The following EYA4 variants were observed in gnomAD, a reference collection of about 807,000 sequenced individuals.
The protein encoded by EYA4 is protein phosphatase EYA4.
Under a neutral mutation model 87.9 loss-of-function variants are expected in EYA4, and 31 were observed. That is an observed-to-expected ratio of 0.35 (90% CI 0.27 to 0.48). The LOEUF is 0.48. EYA4 is among the 20% of genes least tolerant of loss of function. The pLI, the probability that EYA4 is intolerant of heterozygous loss-of-function variation, is 0.99. For synonymous variants in EYA4, 263 were observed against 270.6 expected, an observed-to-expected ratio of 0.97 and a Z score of 0.28; for missense variants, 678 against 761.4, an observed-to-expected ratio of 0.89 and a Z score of 1.29.
intron 2 of EYA4, among the ~76,000 whole-genome samples, chr6:133,327,920 A>C (rs979698800): frequency 6.6e-6 from 1 of 152,202 alleles, no homozygotes; most frequent in Non-Finnish European, 1.5e-5. Context: ...AAATTCTTAG[A>C]GACTATAGAG....
In EYA4 at chr6:133,461,289, C is replaced by T. The variant is rs572315758; in HGVS notation, c.437+109C>T. The T allele has an allele frequency of 7.1e-6, 6 of 842,938 alleles. No homozygotes were observed. The African/African-American group carries it at 8.4e-5, about 12-fold the overall frequency. The allele number at this position is 842,938 out of a possible 1,614,324, so 52.2% of individuals were successfully genotyped here. A position where few individuals can be genotyped will look rare whatever the true frequency, so the allele number is the denominator to read the frequency against. Reference sequence around the variant, plus strand: ...TAGATTACATATATAGATAAATATCCTGTACAAATTTGAAATGGAGACACC... The same window carrying T: ...TAGATTACATATATAGATAAATATCTTGTACAAATTTGAAATGGAGACACC... On this transcript the variant is annotated intron_variant, in intron 7 of 19. Coordinates refer to ENST00000355286, the MANE Select transcript of EYA4 (RefSeq NM_004100.5).
At chr6:133,497,184 C>T (rs1027238996) in intron 13 of EYA4, among the ~76,000 whole-genome samples, 5 of 152,004 alleles carry the variant, frequency 3.3e-5, no homozygotes, top group African/African-American at 7.2e-5. Context: ...CAGTGAAATC[C>T]GTATCTCTTT....
intron 19 of EYA4, among the ~76,000 whole-genome samples, chr6:133,528,009 T>C (rs925404610): frequency 6.6e-6 from 1 of 152,178 alleles, no homozygotes; most frequent in Admixed American, 6.5e-5. Flanking sequence ...TTATAGTATA[T>C]CTTTTGAAGG....
intron 3 of EYA4, among the ~76,000 whole-genome samples, chr6:133,394,298 T>A (rs879450616): frequency 0.52 from 65,064 of 125,920 alleles, 20,573 homozygotes; most frequent in Non-Finnish European, 0.69. Flanking sequence ...TTTTTTTTTT[T>A]TTTTTTTTTT....
intron 3 of EYA4, among the ~76,000 whole-genome samples, chr6:133,395,072 A>C (rs1199383316): frequency 6.6e-6 from 1 of 152,238 alleles, no homozygotes; most frequent in East Asian, 1.9e-4. Context: ...TCCCATTTAA[A>C]ATATGCTATT....
intron 13 of EYA4, among the ~76,000 whole-genome samples, chr6:133,504,985 A>G (rs903246786): frequency 6.6e-6 from 1 of 152,182 alleles, no homozygotes; most frequent in African/African-American, 2.4e-5. Context: ...AGGTCTTCCA[A>G]AATAACTTCC....
intron 3 of EYA4, among the ~76,000 whole-genome samples, chr6:133,400,914 C>G (rs992327411): frequency 6.6e-6 from 1 of 152,110 alleles, no homozygotes; most frequent in African/African-American, 2.4e-5. Context: ...ATATGAGCAG[C>G]TTTGATTTTG....
At chr6:133,356,774 TGTGTGTGTG>T (rs1784071863) in intron 2 of EYA4, among the ~76,000 whole-genome samples, 1 of 145,558 alleles carries the variant, frequency 6.9e-6, no homozygotes, top group Non-Finnish European at 1.5e-5. Flanking sequence ...TGTGTGTGTG[TGTGTGTGTG>T]TGTGTGTGTA....
In EYA4 at chr6:133,416,961, A is replaced by T. The variant is rs555807002; in HGVS notation, c.84-29669A>T. ...CAGGGTAGGTTTGGGTGTATGCCGA[A>T]CACCTACTGCCCATGTGAAGGAGAG... On this transcript the variant is annotated intron_variant, in intron 3 of 19. Coordinates refer to ENST00000355286, the MANE Select transcript of EYA4 (RefSeq NM_004100.5). Among the ~76,000 whole-genome samples, 5 of 152,316 alleles carry T rather than the reference A, an allele frequency of 3.3e-5. No individual in the cohort carries two copies. The South Asian group carries it at 1.0e-3, about 32-fold the overall frequency.
At chr6:133,258,747 A>C (rs190922357) in intron 1 of EYA4, among the ~76,000 whole-genome samples, 3 of 152,204 alleles carry the variant, frequency 2.0e-5, no homozygotes, top group East Asian at 3.9e-4. Flanking sequence ...TTTAGGTCCA[A>C]GAGCATTTGG....
chr6:133,351,985 G>GAAA (rs11311561), intron 2 of EYA4, among the ~76,000 whole-genome samples: 5 of 130,352 alleles, frequency 3.8e-5, no homozygotes, highest in Admixed American at 7.7e-5. Flanking sequence ...CTGTGTTAAA[G>GAAA]AAAAAAAAAA....
chr6:133,287,110 C>A (rs190569812), intron 2 of EYA4, among the ~76,000 whole-genome samples: 2 of 152,052 alleles, frequency 1.3e-5, no homozygotes, highest in African/African-American at 4.8e-5. Flanking sequence ...ATACTTACTG[C>A]CTGCAAAACA....
At chr6:133,448,031 C>G in intron 4 of EYA4, 80 bp from the exon 5 acceptor site, 1 of 1,109,016 alleles carries the variant, frequency 9.0e-7, no homozygotes, top group Non-Finnish European at 1.4e-6. Context: ...AGGTCAGAAA[C>G]CAGTGCAAGC....
chr6:133,309,507 A>G (rs1780056382), intron 2 of EYA4, among the ~76,000 whole-genome samples: 1 of 152,244 alleles, frequency 6.6e-6, no homozygotes. Context: ...AAAGCCTTCT[A>G]GACATTTTCA....
At chr6:133,291,658 C>T (rs529887368) in intron 2 of EYA4, among the ~76,000 whole-genome samples, 6 of 152,224 alleles carry the variant, frequency 3.9e-5, no homozygotes, top group African/African-American at 9.6e-5. Context: ...GTTTTAGGAG[C>T]GTTTTCATAA....
intron 2 of EYA4, among the ~76,000 whole-genome samples, chr6:133,287,761 G>A (rs1177093446): frequency 6.6e-6 from 1 of 152,212 alleles, no homozygotes; most frequent in Non-Finnish European, 1.5e-5. Context: ...ATGGTAGGGA[G>A]ATTACTGAAG....
At chr6:133,361,850 G>C (rs1784472385) in intron 2 of EYA4, among the ~76,000 whole-genome samples, 1 of 152,206 alleles carries the variant, frequency 6.6e-6, no homozygotes, top group Admixed American at 6.5e-5. Flanking sequence ...TCAGCTGTTT[G>C]AAAGGTGCCC....
At chr6:133,360,036 A>T (rs1784341083) in intron 2 of EYA4, among the ~76,000 whole-genome samples, 1 of 152,224 alleles carries the variant, frequency 6.6e-6, no homozygotes, top group Non-Finnish European at 1.5e-5. Context: ...GGGTTAATGA[A>T]ACCTGCCCTG....
intron 3 of EYA4, among the ~76,000 whole-genome samples, chr6:133,411,215 CTATTCTCTGTAA>C (rs1789203247): frequency 6.6e-6 from 1 of 152,112 alleles, no homozygotes; most frequent in Admixed American, 6.6e-5. Context: ...AACATACACT[CTATTCTCTGTAA>C]GACACTGTGG....
Sources: gnomAD v4.1 joint callset for allele counts (sites outside exome capture counted in the v4.1 genomes callset) on GRCh38, gnomAD v4.1.1 for gene constraint, MANE v1.5 for transcripts, NCBI Gene and HGNC (gene_info 2026-07-23, HGNC 2026-07-21) for gene names.